The following USP43 variants were observed in gnomAD, a reference collection of about 807,000 sequenced individuals.
USP43 encodes ubiquitin specific peptidase 43.
Under a neutral mutation model 90.7 loss-of-function variants are expected in USP43, and 33 were observed. The observed-to-expected ratio is 0.36, with a 90% CI of 0.28 to 0.49. The LOEUF is 0.49. Ranked by LOEUF, USP43 falls within the 20% of genes least tolerant of loss-of-function variation. The probability of loss-of-function intolerance (pLI) is 0.98; values close to 1 mark genes in which losing one functional copy is unlikely to be tolerated. For synonymous variants in USP43, 598 were observed against 615.8 expected (o/e 0.97, Z 0.43); for missense variants, 1,274 against 1,476.4 (o/e 0.86, Z 2.25).
Position 9,701,651 on chromosome 17 carries a change from G to A in USP43, c.1962G>A (p.Leu654=), listed in dbSNP as rs1915581295. Residue 654 remains leucine (L), a synonymous_variant, in exon 12 of 15, where the codon CTG becomes CTA. Transcript: ENST00000285199. This position sits in a 1 kb window ranked among gnomAD's most constrained non-coding sequence, Gnocchi z 7.2. ...ACCCGCTGGACTTCCTGTACGACCT[G>A]TATGCCGTCTGCAACCACCATGGCA... The part of the protein sequence containing the change: ...TSYPLDFLYD[L]YAVCNHHGNL... 2 of 1,588,860 alleles carry A rather than the reference G, an allele frequency of 1.3e-6. No individual in the cohort carries two copies. The highest frequency in any genetic ancestry group is 8.6e-7 in the Non-Finnish European group (1 of 1,168,074).
chr17:9,656,073 GA>G (rs143369108), intron 1 of USP43, among the ~76,000 whole-genome samples: 27 of 152,296 alleles, frequency 1.8e-4, no homozygotes, highest in African/African-American at 6.5e-4. Context: ...GCAGTCACAG[GA>G]AGAGAGCTTC....
intron 12 of USP43, among the ~76,000 whole-genome samples, chr17:9,704,351 A>G (rs1597873289): frequency 6.6e-6 from 1 of 152,016 alleles, no homozygotes; most frequent in Admixed American, 6.6e-5. Context: ...CACCCAGGCT[A>G]GAGTGCAGTG....
At chr17:9,656,378 T>G in intron 1 of USP43, 25 bp from the exon 2 acceptor site, 2 of 1,605,970 alleles carry the variant, frequency 1.2e-6, no homozygotes, top group Non-Finnish European at 1.7e-6. Flanking sequence ...CAAATTCACC[T>G]CTCGATTTCC....
chr17:9,684,123 C>A lies in USP43; in HGVS notation c.1241+1165C>A, dbSNP rs191369395. Among the ~76,000 whole-genome samples the A allele has an allele frequency of 1.3e-5, 2 of 150,530 alleles. 1 individual carries two copies. The highest frequency in any genetic ancestry group is 4.2e-4 in the South Asian group (2 of 4,760). On this transcript the variant is annotated intron_variant, in intron 7 of 14. Coordinates refer to ENST00000285199, the MANE Select transcript of USP43 (RefSeq NM_153210.5). ...CTGCACTCCAGCCTGGGCGACAGAT[C>A]GAGACTGTCTCAAAAAAAAATTAAT...
At chr17:9,659,195 T>C (rs900063213) in intron 2 of USP43, among the ~76,000 whole-genome samples, 1 of 152,228 alleles carries the variant, frequency 6.6e-6, no homozygotes, top group African/African-American at 2.4e-5. Flanking sequence ...CAGAAGGATA[T>C]ATTTTTTAAA....
chr17:9,700,137 G>A (rs377005201), intron 9 of USP43, 35 bp from the exon 10 acceptor site: 26 of 1,562,538 alleles, frequency 1.7e-5, no homozygotes, highest in Admixed American at 5.7e-5. Flanking sequence ...AGGAGGCCCC[G>A]TGTTTTCTGA....
At chr17:9,714,932 C>T (rs75911330) in intron 14 of USP43, among the ~76,000 whole-genome samples, 345 of 152,244 alleles carry the variant, frequency 2.3e-3, no homozygotes, top group Non-Finnish European at 3.4e-3. Context: ...GGAAGGCCAC[C>T]GGTGACTTGC....
At chr17:9,718,284 A>G (rs1022650134) in intron 14 of USP43, among the ~76,000 whole-genome samples, 1 of 152,196 alleles carries the variant, frequency 6.6e-6, no homozygotes, top group African/African-American at 2.4e-5. Flanking sequence ...TTAAGAGCCT[A>G]TCCGTGATGC....
Position 9,652,393 on chromosome 17 carries a change from G to A in USP43, c.505-4010G>A, listed in dbSNP as rs370866375. Among the ~76,000 whole-genome samples the A allele has an allele frequency of 2.6e-3, 387 of 148,718 alleles. 2 individuals are homozygous for A. Among genetic ancestry groups the A allele is most frequent in the Middle Eastern group, 0.014 (4 of 290 alleles). On this transcript the variant is annotated intron_variant, in intron 1 of 14. Transcript: ENST00000285199. Reference sequence around the variant, plus strand: ...CCTTCTTTTTTTGAGATGGAGTCTCGCTCTGTTGCCCAGGCTGGAGTGCAG... The same window carrying A: ...CCTTCTTTTTTTGAGATGGAGTCTCACTCTGTTGCCCAGGCTGGAGTGCAG...
At chr17:9,695,582 C>T (rs910955803) in intron 9 of USP43, among the ~76,000 whole-genome samples, 1 of 152,168 alleles carries the variant, frequency 6.6e-6, no homozygotes, top group Non-Finnish European at 1.5e-5. Context: ...ATCCACCCAC[C>T]TCAGCCTCCC....
At chr17:9,661,196 A>G (rs567467602) in intron 2 of USP43, among the ~76,000 whole-genome samples, 1 of 152,216 alleles carries the variant, frequency 6.6e-6, no homozygotes, top group South Asian at 2.1e-4. Context: ...AAACCCTAAC[A>G]CAATCTTTTT....
In USP43 at chr17:9,693,198, C is replaced by G. The variant is rs781385847; in HGVS notation, c.1425C>G (p.Asp475Glu). ...CCTGCAGCTATTTGTCTCCGAAGGA[C>G]AGTCGGCCCCTCTGTCACTGGGCAG... ...SVACSYLSPK[D>E]SRPLCHWAVD... The change falls in exon 9 of 15, where the codon GAC becomes GAG. Residue 475 changes from aspartate (D) to glutamate (E), a missense_variant. Asp to Glu is a conservative substitution (Grantham distance 45, BLOSUM62 2). Around this residue, in one of 6 missense-constraint regions of USP43, gnomAD observed 253 missense variants for 276.0 expected, o/e 0.92. Transcript: ENST00000285199. 1.2e-5 allele frequency: 20 copies of G among 1,613,308 alleles called. No individual in the cohort carries two copies. In the South Asian group the frequency reaches 1.8e-4, roughly 14 times the overall value.
intron 1 of USP43, among the ~76,000 whole-genome samples, chr17:9,654,077 C>T (rs1311542568): frequency 1.3e-5 from 2 of 152,110 alleles, no homozygotes; most frequent in Non-Finnish European, 2.9e-5. Context: ...GCCGGCTGCT[C>T]ACCCAGAAGA....
intron 2 of USP43, among the ~76,000 whole-genome samples, chr17:9,660,999 C>A (rs533538574): frequency 1.3e-5 from 2 of 152,296 alleles, no homozygotes; most frequent in African/African-American, 4.8e-5. Context: ...AAGCCACTGT[C>A]CTCTGTGAAA....
chr17:9,646,787 G>A (rs1020060834), intron 1 of USP43, among the ~76,000 whole-genome samples: 3 of 152,116 alleles, frequency 2.0e-5, no homozygotes, highest in East Asian at 1.9e-4. Context: ...TACAGGCCAG[G>A]TACCGTGCTG....
chr17:9,695,631 C>T (rs1022586626), intron 9 of USP43, among the ~76,000 whole-genome samples: 1 of 152,182 alleles, frequency 6.6e-6, no homozygotes, highest in Non-Finnish European at 1.5e-5. Flanking sequence ...CCACTTAGGG[C>T]CAAAATTACA....
rs1438243614 is a variant in USP43 at position 9,680,414 on chromosome 17, G to C, written c.1105+48G>C. On this transcript the variant is annotated intron_variant, in intron 6 of 14. Coordinates refer to ENST00000285199, the MANE Select transcript of USP43 (RefSeq NM_153210.5). ...TTTTATTTGGCTATGATGAGTTACA[G>C]GTTTCAGAGGATACTCCTTGGGTGC... 4 of 1,602,732 alleles carry C rather than the reference G, an allele frequency of 2.5e-6. No homozygotes were observed. The African/African-American group carries it at 4.0e-5, about 16-fold the overall frequency.
intron 8 of USP43, among the ~76,000 whole-genome samples, chr17:9,689,101 T>TTCACG (rs1162274969): frequency 1.4e-3 from 220 of 152,314 alleles, no homozygotes; most frequent in Non-Finnish European, 2.9e-3. Flanking sequence ...GGTGAATGTA[T>TTCACG]GGTCAGACAT....
chr17:9,661,693 ATG>A (rs1912651142), intron 2 of USP43, among the ~76,000 whole-genome samples: 1 of 152,002 alleles, frequency 6.6e-6, no homozygotes, highest in Non-Finnish European at 1.5e-5. Context: ...CATGAAATTG[ATG>A]TGTTAGATGT....
Sources: gnomAD v4.1 joint callset for allele counts (sites outside exome capture counted in the v4.1 genomes callset) on GRCh38, gnomAD v4.1.1 for gene constraint, gnomAD v4.1.1 regional missense constraint, Gnocchi (gnomAD v3.1) non-coding constraint, MANE v1.5 for transcripts, NCBI Gene and HGNC (gene_info 2026-07-23, HGNC 2026-07-21) for gene names.